The following ERCC5 variants were observed in gnomAD, a reference collection of about 807,000 sequenced individuals.
ERCC5 encodes the protein DNA excision repair protein ERCC-5.
In ERCC5, 68 loss-of-function variants were observed where a neutral mutation model predicts 105.6. The observed-to-expected ratio is 0.64, with a 90% CI of 0.53 to 0.79. ERCC5 has a LOEUF of 0.79. Ranked by LOEUF, ERCC5 falls within the 30% of genes least tolerant of loss-of-function variation. ERCC5 has a pLI of 0.00. For missense variants in ERCC5, 1,373 were observed against 1,426.7 expected, an observed-to-expected ratio of 0.96 and a Z score of 0.61; for synonymous variants, 546 against 526.2, an observed-to-expected ratio of 1.04 and a Z score of -0.51.
At position 102,853,868 on chromosome 13, in the gene ERCC5, A is replaced by G. The variant is rs77569659; in HGVS notation, c.376A>G (p.Lys126Glu). The G allele has an allele frequency of 3.1e-6, 5 of 1,614,002 alleles. No individual in the cohort carries two copies. Among genetic ancestry groups the G allele is most frequent in the Non-Finnish European group, 4.2e-6 (5 of 1,179,812 alleles). The change falls in exon 3 of 15, where the codon AAA (lysine) becomes GAA (glutamate). Residue 126 changes from lysine to glutamate, a missense_variant. Coordinates refer to ENST00000652225, the MANE Select transcript of ERCC5 (RefSeq NM_000123.4). ...RQAIKTAFRS[K>E]RDEALPSLTQ... is the part of the protein sequence containing the mutation. ...AGCCATCAAAACTGCCTTCAGAAGCAAAAGGCAAGAGGAAAATTATAGTCG... is the reference window on the plus strand; with the variant it reads ...AGCCATCAAAACTGCCTTCAGAAGCGAAAGGCAAGAGGAAAATTATAGTCG...
In ERCC5 at chr13:102,875,500, G is replaced by A. The variant is rs774653208; in HGVS notation, c.3158G>A (p.Gly1053Glu). 28 of 1,613,920 alleles carry A rather than the reference G, an allele frequency of 1.7e-5. No homozygotes were observed. Among genetic ancestry groups the A allele is most frequent in the South Asian group, 2.2e-5 (2 of 91,076 alleles). ...TTTGAGCTACTTGATAAGGCAAAAGGAAAAACCCAGAAGAGAGGCATAACA... is the reference window on the plus strand; with the variant it reads ...TTTGAGCTACTTGATAAGGCAAAAGAAAAAACCCAGAAGAGAGGCATAACA... The part of the protein sequence containing the change: ...KEFELLDKAK[G>E]KTQKRGITNT... Residue 1053 changes from glycine (G) to glutamate (E), a missense_variant, in exon 15 of 15, where the codon GGA becomes GAA. Gly to Glu is a moderately conservative substitution (Grantham distance 98, BLOSUM62 -2). This residue lies in a region of ERCC5 where 367 missense variants were observed against 350.2 expected (regional missense o/e 1.05). Coordinates refer to ENST00000652225, the MANE Select transcript of ERCC5 (RefSeq NM_000123.4).
Position 102,846,193 on chromosome 13 carries a change from G to A in ERCC5, c.-74G>A, listed in dbSNP as rs3218736. 3.3e-3 allele frequency: 4,309 copies of A among 1,302,376 alleles called. 86 individuals carry two copies. In the African/African-American group the frequency reaches 0.052, roughly 16 times the overall value. 80.7% of individuals were successfully genotyped at this position (1,302,376 alleles called of 1,614,324 possible). On this transcript the variant is annotated 5_prime_UTR_variant, in exon 1 of 15. Transcript: ENST00000652225. ...GGGAGGGCTTCCTCCCGGGGTCCTA[G>A]GCGGCGGTGCAGTCCGTCGTAGAAG... is the stretch of plus-strand genomic sequence containing the variant.
chr13:102,852,758 T>C (rs1176238567), intron 2 of ERCC5, among the ~76,000 whole-genome samples: 1 of 152,184 alleles, frequency 6.6e-6, no homozygotes, highest in Non-Finnish European at 1.5e-5. Context: ...CTAAAGTGGA[T>C]TATCTAGGAA....
rs746036033 is a variant in ERCC5 at position 102,862,438 on chromosome 13, A to T, written c.1289A>T (p.Glu430Val). 3 of 1,614,028 alleles carry T rather than the reference A, an allele frequency of 1.9e-6. No individual in the cohort carries two copies. The East Asian group carries it at 6.7e-5, about 36-fold the overall frequency. ...AACAGCTCCACCGAGAACAGTGATG[A>T]AGGACTTAAAGTGAGAGATGGAAAA... ...RINSSTENSDEGLKVRDGKGI... is the reference protein window; with the variant it reads ...RINSSTENSDVGLKVRDGKGI... Residue 430 changes from glutamate to valine, a missense_variant, in exon 8 of 15, where the codon GAA becomes GTA. Transcript: ENST00000652225.
At chr13:102,859,421 T>G (rs1281937881) in intron 6 of ERCC5, among the ~76,000 whole-genome samples, 1 of 152,252 alleles carries the variant, frequency 6.6e-6, no homozygotes, top group Non-Finnish European at 1.5e-5. Flanking sequence ...GAAGTGACAT[T>G]CTTGGGTCTT....
chr13:102,849,916 A>G (rs1316981064), intron 1 of ERCC5, among the ~76,000 whole-genome samples: 6 of 150,868 alleles, frequency 4.0e-5, no homozygotes, highest in Non-Finnish European at 5.9e-5. Flanking sequence ...TATTAGCATC[A>G]GTCCAGGTTT....
At chr13:102,871,933 T>G (rs1883047196) in intron 12 of ERCC5, among the ~76,000 whole-genome samples, 1 of 152,060 alleles carries the variant, frequency 6.6e-6, no homozygotes, top group African/African-American at 2.4e-5. Flanking sequence ...CTCTGTGAGG[T>G]GAGGGTAACG....
chr13:102,868,632 TG>T (rs1371644501), intron 12 of ERCC5, among the ~76,000 whole-genome samples: 1 of 152,216 alleles, frequency 6.6e-6, no homozygotes, highest in African/African-American at 2.4e-5. Context: ...CCCATATACT[TG>T]GAGGTGATGG....
At chr13:102,858,501 G>A in intron 6 of ERCC5, 83 bp downstream of exon 6, 1 of 1,583,110 alleles carries the variant, frequency 6.3e-7, no homozygotes, top group Non-Finnish European at 8.7e-7. Flanking sequence ...AAATTGATAA[G>A]CAATACTTAC....
chr13:102,851,473 T>G (rs867805354), intron 1 of ERCC5, among the ~76,000 whole-genome samples: 3 of 152,238 alleles, frequency 2.0e-5, no homozygotes, highest in Middle Eastern at 3.4e-3. Flanking sequence ...TTTTGTATTT[T>G]TAGTAGAGAT....
chr13:102,854,814 T>G (rs1882347402), intron 4 of ERCC5, among the ~76,000 whole-genome samples: 1 of 152,204 alleles, frequency 6.6e-6, no homozygotes, highest in Admixed American at 6.5e-5. Flanking sequence ...CTAAACACCA[T>G]GCCACACTGC....
At position 102,868,775 on chromosome 13, in the gene ERCC5, C is replaced by T. The variant is rs562808755; in HGVS notation, c.2678+518C>T. 2.7e-4 allele frequency among the ~76,000 whole-genome samples: 41 copies of T among 152,298 alleles called. 1 individual carries two copies. Among genetic ancestry groups the T allele is most frequent in the African/African-American group, 8.9e-4 (37 of 41,548 alleles). ...GTCCTGTTTCTCACCATGTGAATCC[C>T]GTGACGTGTTCAGTGGTGAAGTCTT... On this transcript the variant is annotated intron_variant, in intron 12 of 14. Coordinates refer to ENST00000652225, the MANE Select transcript of ERCC5 (RefSeq NM_000123.4).
At chr13:102,859,285 T>G (rs1882537840) in intron 6 of ERCC5, among the ~76,000 whole-genome samples, 2 of 152,222 alleles carry the variant, frequency 1.3e-5, no homozygotes, top group African/African-American at 4.8e-5. Flanking sequence ...TTTTTTTATT[T>G]TCTACAATTT....
chr13:102,863,055 A>T lies in ERCC5; in HGVS notation c.1906A>T (p.Lys636Ter). 6.2e-7 allele frequency: 1 copy of T among 1,614,172 alleles called. No homozygotes were observed. The highest frequency in any genetic ancestry group is 8.5e-7 in the Non-Finnish European group (1 of 1,180,038). ...AGGCCAGGATTTAATTTCCATTCCA[A>T]AGGCCGTGGAACCAATGGAAATTGA... ...SAGQDLISIPKAVEPMEIDSE... is the reference protein window; with the variant it reads ...SAGQDLISIP Residue 636 changes from lysine to a stop codon, truncating the protein, a stop_gained, in exon 8 of 15, where the codon AAG (lysine) becomes TAG (stop). Coordinates refer to ENST00000652225, the MANE Select transcript of ERCC5 (RefSeq NM_000123.4). LOFTEE classifies it high-confidence loss of function.
chr13:102,875,330 C>T lies in ERCC5; in HGVS notation c.2988C>T (p.Phe996=), dbSNP rs778291208. Reference sequence around the variant, plus strand: ...AGACACAGCTCCGAATTGATTCCTTCTTTAGATTAGCACAACAGGAGAAAG... The same window carrying T: ...AGACACAGCTCCGAATTGATTCCTTTTTTAGATTAGCACAACAGGAGAAAG... ...AQQTQLRIDS[F]FRLAQQEKED... Residue 996 remains phenylalanine (F), a synonymous_variant, in exon 15 of 15, where the codon TTC becomes TTT. Coordinates refer to ENST00000652225, the MANE Select transcript of ERCC5 (RefSeq NM_000123.4). 1 of 1,613,884 alleles carries T rather than the reference C, an allele frequency of 6.2e-7. No homozygotes were observed. Among genetic ancestry groups the T allele is most frequent in the South Asian group, 1.1e-5 (1 of 90,962 alleles).
intron 2 of ERCC5, 129 bp downstream of exon 2, chr13:102,852,422 A>G (rs1882241682): frequency 3.9e-6 from 4 of 1,026,288 alleles, no homozygotes; most frequent in African/African-American, 1.6e-5. Flanking sequence ...CACATACTTA[A>G]TTACATCTAC....
In ERCC5 at chr13:102,872,183, T is replaced by C. The variant is rs1883056064; in HGVS notation, c.2679-15T>C. The stretch of plus-strand genomic sequence containing the variant: ...TCTCATTGCTGTGTAAGTAATTGTT[T>C]CCTTTATTTTACAGAGAATGGTGGC... On this transcript the variant is annotated splice_polypyrimidine_tract_variant and intron_variant, in intron 12 of 14. Transcript: ENST00000652225. The C allele has an allele frequency of 1.2e-6, 2 of 1,613,226 alleles. No homozygotes were observed. The highest frequency in any genetic ancestry group is 2.2e-5 in the East Asian group (1 of 44,870).
chr13:102,861,539 AG>A lies in ERCC5; in HGVS notation c.707del (p.Gly236AlafsTer8). 6.2e-7 allele frequency: 1 copy of A among 1,614,160 alleles called. No homozygotes were observed. Among genetic ancestry groups the A allele is most frequent in the Non-Finnish European group, 8.5e-7 (1 of 1,180,018 alleles). On this transcript the variant is annotated frameshift_variant, in exon 7 of 15. Coordinates refer to ENST00000652225, the MANE Select transcript of ERCC5 (RefSeq NM_000123.4). LOFTEE classifies it high-confidence loss of function. Reference sequence around the variant, plus strand: ...ATGACTTTTCACAGTACCAACTCAAAGGCTTGCTTAAAAAGAACTATCTGAA... The same window carrying A: ...ATGACTTTTCACAGTACCAACTCAAAGCTTGCTTAAAAAGAACTATCTGAA... ...SDDFSQYQLK[G>X]LLKKNYLNQH...
intron 1 of ERCC5, 97 bp downstream of exon 1, chr13:102,846,451 TGGTCTTG>T (rs1881965547): frequency 9.2e-7 from 1 of 1,089,440 alleles, no homozygotes; most frequent in Admixed American, 1.9e-5. Flanking sequence ...TGCAGGATGA[TGGTCTTG>T]GGTCGGGGTC....
Sources: allele counts gnomAD v4.1 joint callset (sites outside exome capture counted in the v4.1 genomes callset), GRCh38; gene constraint gnomAD v4.1.1; regional missense constraint gnomAD v4.1.1; transcripts MANE v1.5; gene names NCBI Gene and HGNC (gene_info 2026-07-23, HGNC 2026-07-21).